RAB6A: variants seen among roughly 807,000 people sequenced by gnomAD.
RAB6A encodes RAB6A, member RAS oncogene family, also known as ras-related protein Rab-6A.
In RAB6A, 8 loss-of-function variants were observed where a neutral mutation model predicts 32.3. That is an observed-to-expected ratio of 0.25 (90% CI 0.15 to 0.45). The LOEUF (loss-of-function observed/expected upper bound fraction) is 0.45, where lower values mean the gene tolerates loss of function less well. Among genes scored for constraint, RAB6A ranks in the 20% least tolerant of loss-of-function variants. RAB6A has a pLI of 1.00. For missense variants in RAB6A, 104 were observed against 249.4 expected (o/e 0.42, Z 3.93); for synonymous variants, 73 against 82.1 (o/e 0.89, Z 0.60).
chr11:73,731,886 T>C (rs926691422), intron 1 of RAB6A, among the ~76,000 whole-genome samples: 1 of 150,484 alleles, frequency 6.6e-6, no homozygotes, highest in Non-Finnish European at 1.5e-5. Context: ...GGACTACAGG[T>C]GCACGCCACC....
At chr11:73,691,488 G>A (rs1435579279) in intron 6 of RAB6A, among the ~76,000 whole-genome samples, 1 of 152,202 alleles carries the variant, frequency 6.6e-6, no homozygotes, top group Non-Finnish European at 1.5e-5. Flanking sequence ...TTCTTTCAGA[G>A]TTATTTACTG....
At chr11:73,693,708 A>C (rs1405520029) in intron 6 of RAB6A, among the ~76,000 whole-genome samples, 1 of 151,802 alleles carries the variant, frequency 6.6e-6, no homozygotes, top group Admixed American at 6.6e-5. Context: ...ACATAGTGAG[A>C]CCTCGTCTCT....
chr11:73,725,435 T>TTA (rs1946201773), intron 2 of RAB6A, among the ~76,000 whole-genome samples: 1 of 152,196 alleles, frequency 6.6e-6, no homozygotes, highest in Admixed American at 6.5e-5. Context: ...GCGCTGCCGA[T>TTA]AAAGACATGC....
chr11:73,750,406 G>A (rs1946655302), intron 1 of RAB6A, among the ~76,000 whole-genome samples: 2 of 150,512 alleles, frequency 1.3e-5, no homozygotes, highest in East Asian at 3.9e-4. Flanking sequence ...CTGGAGTGCA[G>A]TGGCATGATG....
At chr11:73,746,461 T>C (rs1420654810) in intron 1 of RAB6A, among the ~76,000 whole-genome samples, 3 of 151,912 alleles carry the variant, frequency 2.0e-5, no homozygotes, top group Non-Finnish European at 2.9e-5. Flanking sequence ...TGTGCTATGA[T>C]TGTGCCACTA....
intron 4 of RAB6A, among the ~76,000 whole-genome samples, chr11:73,717,369 A>C (rs1368214656): frequency 6.6e-6 from 1 of 152,212 alleles, no homozygotes; most frequent in African/African-American, 2.4e-5. Context: ...CATTTTTTAA[A>C]AATTTAAAAA....
chr11:73,753,823 T>C (rs910701723), intron 1 of RAB6A, among the ~76,000 whole-genome samples: 20 of 152,184 alleles, frequency 1.3e-4, no homozygotes, highest in African/African-American at 4.8e-4. Flanking sequence ...TTAGCTCTAC[T>C]TTTAAAAGCA....
chr11:73,752,235 A>G (rs1946680037), intron 1 of RAB6A, among the ~76,000 whole-genome samples: 1 of 152,168 alleles, frequency 6.6e-6, no homozygotes, highest in Non-Finnish European at 1.5e-5. Flanking sequence ...AAGGGGGCAG[A>G]TCACTGAAGG....
intron 1 of RAB6A, among the ~76,000 whole-genome samples, chr11:73,747,911 A>T (rs1339660618): frequency 6.6e-6 from 1 of 152,206 alleles, no homozygotes; most frequent in Non-Finnish European, 1.5e-5. Context: ...ATGGCCCATT[A>T]TCTTATTCCT....
chr11:73,693,291 A>AAAATAAAC (rs1555055734), intron 6 of RAB6A, among the ~76,000 whole-genome samples: 4 of 150,918 alleles, frequency 2.7e-5, no homozygotes, highest in African/African-American at 9.7e-5. Flanking sequence ...CCGTCTCCAA[A>AAAATAAAC]AAATAAATAA....
chr11:73,738,869 G>A (rs1056509544), intron 1 of RAB6A, among the ~76,000 whole-genome samples: 8 of 150,364 alleles, frequency 5.3e-5, no homozygotes, highest in Admixed American at 1.3e-4. Context: ...GCTTGAGCCT[G>A]GGAGTCGGAG....
intron 1 of RAB6A, among the ~76,000 whole-genome samples, chr11:73,749,208 G>A (rs993437554): frequency 3.3e-5 from 5 of 152,162 alleles, no homozygotes; most frequent in South Asian, 2.1e-4. Context: ...AATGGCATTC[G>A]CAGCAACTTG....
intron 5 of RAB6A, among the ~76,000 whole-genome samples, chr11:73,710,091 T>G (rs1945926557): frequency 6.7e-6 from 1 of 148,522 alleles, no homozygotes; most frequent in African/African-American, 2.5e-5. Flanking sequence ...CCGGAGTAGC[T>G]GGGATTACAG....
intron 1 of RAB6A, among the ~76,000 whole-genome samples, chr11:73,747,838 T>A (rs1014328037): frequency 6.6e-6 from 1 of 152,214 alleles, no homozygotes; most frequent in Non-Finnish European, 1.5e-5. Flanking sequence ...GGCCATGAAT[T>A]CTTGGCAAAA....
intron 6 of RAB6A, among the ~76,000 whole-genome samples, chr11:73,692,952 C>G (rs1945598450): frequency 6.8e-6 from 1 of 146,776 alleles, no homozygotes; most frequent in Non-Finnish European, 1.5e-5. Context: ...CAGAGCGAGA[C>G]TGTCTCAAAA....
At position 73,692,473 on chromosome 11, in the gene RAB6A, G is replaced by C. The variant is rs1291930957; in HGVS notation, c.496-12753C>G. 3.7e-5 allele frequency among the ~76,000 whole-genome samples: 5 copies of C among 136,500 alleles called. No homozygotes were observed. The East Asian group carries it at 1.1e-3, about 30-fold the overall frequency. 89.5% of individuals were successfully genotyped at this position (136,500 alleles called of 152,430 possible). On this transcript the variant is annotated intron_variant, in intron 6 of 7. Coordinates refer to ENST00000336083, the MANE Select transcript of RAB6A (RefSeq NM_198896.2). ...AGCCGAGATTGCGCCACTGCACTCC[G>C]GCCTGAGCGACAGAGTGAGACTCTG...
intron 1 of RAB6A, among the ~76,000 whole-genome samples, chr11:73,736,792 G>A (rs1456783547): frequency 2.0e-5 from 2 of 99,046 alleles, no homozygotes; most frequent in African/African-American, 3.7e-5. Context: ...ACTTCATCTC[G>A]AGAAAGAAAA....
Position 73,752,059 on chromosome 11 carries a change from A to T in RAB6A, c.70+8507T>A, listed in dbSNP as rs1322786351. ...GAAATAGAGAAACTAAAACAAGCAG[A>T]GATGAAAAACAATTTACAAAAACTA... On this transcript the variant is annotated intron_variant, in intron 1 of 7. Coordinates refer to ENST00000336083, the MANE Select transcript of RAB6A (RefSeq NM_198896.2). Among the ~76,000 whole-genome samples, 9 of 152,342 alleles carry T rather than the reference A, an allele frequency of 5.9e-5. No individual in the cohort carries two copies. The East Asian group carries it at 1.7e-3, about 29-fold the overall frequency.
intron 2 of RAB6A, among the ~76,000 whole-genome samples, chr11:73,726,284 C>CAAAA (rs1268493545): frequency 2.0e-5 from 1 of 51,004 alleles, no homozygotes; most frequent in Admixed American, 2.2e-4. Flanking sequence ...GACTCCGTCT[C>CAAAA]AAAAAAAAAA....
Sources: allele counts gnomAD v4.1 joint callset (sites outside exome capture counted in the v4.1 genomes callset), GRCh38; gene constraint gnomAD v4.1.1; transcripts MANE v1.5; gene names NCBI Gene and HGNC (gene_info 2026-07-23, HGNC 2026-07-21).